RFX3: variants seen among roughly 807,000 people sequenced by gnomAD.
RFX3 encodes transcription factor RFX3.
RFX3 carries 14 observed loss-of-function variants against 98.6 expected under a neutral mutation model. That is an observed-to-expected ratio of 0.14 (90% confidence interval 0.09 to 0.22). The LOEUF (loss-of-function observed/expected upper bound fraction) is 0.22. RFX3 is among the 10% of genes least tolerant of loss of function. The probability of loss-of-function intolerance (pLI) is 1.00; values close to 1 mark genes in which losing one functional copy is unlikely to be tolerated. For synonymous variants in RFX3, 383 were observed against 328.4 expected, an observed-to-expected ratio of 1.17 and a Z score of -1.80; for missense variants, 639 against 926.9, an observed-to-expected ratio of 0.69 and a Z score of 4.03.
chr9:3,236,127 G>C (rs375701146), intron 15 of RFX3, among the ~76,000 whole-genome samples: 18 of 152,142 alleles, frequency 1.2e-4, no homozygotes, highest in African/African-American at 4.3e-4. Context: ...GTGGTATATA[G>C]GAATCAATTA....
At position 3,252,498 on chromosome 9, in the gene RFX3, A is replaced by C. The variant is rs553552665; in HGVS notation, c.1815-4313T>G. 1.4e-4 allele frequency among the ~76,000 whole-genome samples: 22 copies of C among 152,308 alleles called. No individual in the cohort carries two copies. In the East Asian group the frequency reaches 2.7e-3, roughly 19 times the overall value. The stretch of plus-strand genomic sequence containing the variant: ...GAGCAGAAACTGGATTGAAGTGAGG[A>C]AACGAACACAGGTGAAGAGTCTTCC... On this transcript the variant is annotated intron_variant, in intron 14 of 16. Transcript: ENST00000617270.
chr9:3,252,572 G>A (rs1357381844), intron 14 of RFX3, among the ~76,000 whole-genome samples: 1 of 152,168 alleles, frequency 6.6e-6, no homozygotes, highest in Non-Finnish European at 1.5e-5. Context: ...ACTGCTTGCT[G>A]TTTTCAAAGA....
At chr9:3,331,905 T>G (rs1201528889) in intron 3 of RFX3, among the ~76,000 whole-genome samples, 1 of 152,200 alleles carries the variant, frequency 6.6e-6, no homozygotes, top group Admixed American at 6.5e-5. Flanking sequence ...TGGTCATCAC[T>G]ACTCAGAACT....
chr9:3,285,324 AT>A (rs1053227361), intron 7 of RFX3, among the ~76,000 whole-genome samples: 2 of 151,822 alleles, frequency 1.3e-5, no homozygotes, highest in African/African-American at 4.8e-5. Flanking sequence ...TCTTTATATA[AT>A]TTTTACTGTA....
At chr9:3,232,648 G>C (rs1452899982) in intron 15 of RFX3, among the ~76,000 whole-genome samples, 3 of 152,146 alleles carry the variant, frequency 2.0e-5, no homozygotes, top group Admixed American at 6.5e-5. Flanking sequence ...TAGGAATTTG[G>C]CAAGTTAAGT....
intron 9 of RFX3, among the ~76,000 whole-genome samples, chr9:3,272,044 G>A (rs1157541430): frequency 1.3e-5 from 2 of 151,132 alleles, no homozygotes; most frequent in Admixed American, 1.3e-4. Flanking sequence ...TTTTTTTTAT[G>A]GTGCTTAAAT....
At position 3,398,211 on chromosome 9, in the gene RFX3, T is replaced by C. The variant is rs552556460; in HGVS notation, c.-8-2615A>G. Among the ~76,000 whole-genome samples the C allele has an allele frequency of 3.3e-5, 5 of 152,278 alleles. No homozygotes were observed. The East Asian group carries it at 9.7e-4, about 29-fold the overall frequency. Reference sequence around the variant, plus strand: ...AATGTTTGAGAATGACACTATTTTTTACTACACAAAATTCTTGCCTAACGA... The same window carrying C: ...AATGTTTGAGAATGACACTATTTTTCACTACACAAAATTCTTGCCTAACGA... On this transcript the variant is annotated intron_variant, in intron 1 of 16. Transcript: ENST00000617270.
intron 1 of RFX3, among the ~76,000 whole-genome samples, chr9:3,429,554 G>A (rs1389430828): frequency 6.6e-6 from 1 of 151,960 alleles, no homozygotes; most frequent in Non-Finnish European, 1.5e-5. Flanking sequence ...GAAGCCCCAG[G>A]TATTTTTCCA....
intron 1 of RFX3, among the ~76,000 whole-genome samples, chr9:3,487,217 G>A (rs1850355275): frequency 6.6e-6 from 1 of 151,980 alleles, no homozygotes; most frequent in Non-Finnish European, 1.5e-5. Context: ...AACAACCAAT[G>A]TACTTAATTA....
intron 15 of RFX3, among the ~76,000 whole-genome samples, chr9:3,243,725 A>C (rs1431160370): frequency 6.6e-6 from 1 of 152,180 alleles, no homozygotes; most frequent in African/African-American, 2.4e-5. Flanking sequence ...TGCTTATGAA[A>C]CTATTTAACT....
chr9:3,416,949 T>G (rs1843036226), intron 1 of RFX3, among the ~76,000 whole-genome samples: 1 of 151,816 alleles, frequency 6.6e-6, no homozygotes, highest in African/African-American at 2.4e-5. Context: ...TTGTCAAACC[T>G]TATAAAAAAC....
intron 1 of RFX3, among the ~76,000 whole-genome samples, chr9:3,489,092 A>G (rs969463453): frequency 8.5e-5 from 13 of 152,208 alleles, no homozygotes; most frequent in African/African-American, 3.1e-4. Flanking sequence ...CATGCTTAAA[A>G]AAAAGTAAAT....
At chr9:3,341,652 G>GCACC (rs1437919250) in intron 3 of RFX3, among the ~76,000 whole-genome samples, 2 of 152,156 alleles carry the variant, frequency 1.3e-5, no homozygotes, top group African/African-American at 4.8e-5. Context: ...TATAGATTGA[G>GCACC]CACCGATCAT....
intron 4 of RFX3, among the ~76,000 whole-genome samples, chr9:3,304,859 T>A (rs1048321584): frequency 1.3e-5 from 2 of 152,026 alleles, no homozygotes; most frequent in African/African-American, 4.8e-5. Context: ...ACAAGACTAC[T>A]TGTAACAAAA....
chr9:3,342,410 C>G (rs1833989341), intron 3 of RFX3, among the ~76,000 whole-genome samples: 1 of 152,128 alleles, frequency 6.6e-6, no homozygotes, highest in Non-Finnish European at 1.5e-5. Context: ...GTTGAGAAAT[C>G]TATAATCTAA....
At chr9:3,347,463 C>A (rs1200013651) in intron 2 of RFX3, among the ~76,000 whole-genome samples, 3 of 151,946 alleles carry the variant, frequency 2.0e-5, no homozygotes, top group African/African-American at 7.3e-5. Flanking sequence ...CCTGTAATAA[C>A]CCTATGTACT....
Position 3,470,424 on chromosome 9 carries a change from C to T in RFX3, c.-9+55323G>A, listed in dbSNP as rs562401539. On this transcript the variant is annotated intron_variant, in intron 1 of 16. Transcript: ENST00000617270. ...CCGCCTACCGGGTTCACGCCATTCT[C>T]CTGCCTTAGCCTCCCGAGTAGCTGG... 6.6e-5 allele frequency among the ~76,000 whole-genome samples: 10 copies of T among 151,784 alleles called. No individual in the cohort carries two copies. The South Asian group carries it at 8.3e-4, about 13-fold the overall frequency.
intron 3 of RFX3, among the ~76,000 whole-genome samples, chr9:3,332,151 T>G (rs1832672993): frequency 6.6e-6 from 1 of 152,152 alleles, no homozygotes; most frequent in African/African-American, 2.4e-5. Context: ...CCTTAATTCA[T>G]AATGTTCTCT....
In RFX3 at chr9:3,418,294, T is replaced by C. The variant is rs58947390; in HGVS notation, c.-8-22698A>G. 1.3e-4 allele frequency among the ~76,000 whole-genome samples: 20 copies of C among 152,352 alleles called. No homozygotes were observed. In the East Asian group the frequency reaches 3.9e-3, roughly 29 times the overall value. The stretch of plus-strand genomic sequence containing the variant: ...AACAAGTTACTGCTTTCTGTGGGCT[T>C]ACAACAGTGCCTGATGCATGGTAAG... On this transcript the variant is annotated intron_variant, in intron 1 of 16. Coordinates refer to ENST00000617270, the MANE Select transcript of RFX3 (RefSeq NM_001282116.2).
Sources: gnomAD v4.1 joint callset for allele counts (sites outside exome capture counted in the v4.1 genomes callset) on GRCh38, gnomAD v4.1.1 for gene constraint, MANE v1.5 for transcripts, NCBI Gene and HGNC (gene_info 2026-07-23, HGNC 2026-07-21) for gene names.